LPIN1: variants seen among roughly 807,000 people sequenced by gnomAD.
The protein encoded by LPIN1 is phosphatidate phosphatase LPIN1.
A neutral mutation model predicts 107.5 loss-of-function variants in LPIN1; 71 were observed. The observed-to-expected ratio is 0.66, with a 90% CI of 0.55 to 0.80. The LOEUF (loss-of-function observed/expected upper bound fraction) is 0.80, where lower values mean the gene tolerates loss of function less well. Among genes scored for constraint, LPIN1 ranks in the 30% least tolerant of loss-of-function variants. LPIN1 has a pLI of 0.00. For synonymous variants in LPIN1, 445 were observed against 452.6 expected (o/e 0.98, Z 0.21); for missense variants, 1,043 against 1,160.6 (o/e 0.90, Z 1.47).
intron 1 of LPIN1, among the ~76,000 whole-genome samples, chr2:11,761,113 T>A (rs1669753105): frequency 6.6e-6 from 1 of 152,204 alleles, no homozygotes; most frequent in African/African-American, 2.4e-5. Flanking sequence ...CAGCATGAGA[T>A]AACGTATATG....
At chr2:11,721,181 A>G (rs1664107621), upstream of LPIN1, among the ~76,000 whole-genome samples, 1 of 151,936 alleles carries the variant, frequency 6.6e-6, no homozygotes. Flanking sequence ...CCTTCTTATG[A>G]AATGATATCA....
Position 11,803,104 on chromosome 2 carries a change from G to T in LPIN1, c.2013+71G>T. ...TTTCTGCAGACTCCTAAGGCTGTGT[G>T]ATGGTTGGGATGTGCCCGTTACTTG... On this transcript the variant is annotated intron_variant, in intron 15 of 20. Transcript: ENST00000674199. This position sits in a 1 kb window ranked among gnomAD's most constrained non-coding sequence, Gnocchi z 4.2. 2 of 1,595,422 alleles carry T rather than the reference G, an allele frequency of 1.3e-6. No homozygotes were observed. Among genetic ancestry groups the T allele is most frequent in the Admixed American group, 1.7e-5 (1 of 60,008 alleles).
At chr2:11,696,633 G>C (rs1302814243) in intron 1 of LPIN1, among the ~76,000 whole-genome samples, 1 of 152,174 alleles carries the variant, frequency 6.6e-6, no homozygotes, top group African/African-American at 2.4e-5. Context: ...AGGATGTCTG[G>C]TGAGCAGACA....
intron 1 of LPIN1, 65 bp downstream of exon 1, chr2:11,746,736 G>A: frequency 1.2e-6 from 1 of 857,994 alleles, no homozygotes; most frequent in Non-Finnish European, 1.4e-6. Context: ...GTTAGGCGGG[G>A]CGGGGCGCGG....
In LPIN1 at chr2:11,803,077, G is replaced by A; in HGVS notation, c.2013+44G>A. ...GCGCGGCTGTGTTGTGAGCACATGA[G>A]GTTTCTGCAGACTCCTAAGGCTGTG... On this transcript the variant is annotated intron_variant, in intron 15 of 20. Transcript: ENST00000674199. This position sits in a 1 kb window ranked among gnomAD's most constrained non-coding sequence, Gnocchi z 4.2. 1.2e-6 allele frequency: 2 copies of A among 1,610,382 alleles called. No homozygotes were observed. The highest frequency in any genetic ancestry group is 1.7e-6 in the Non-Finnish European group (2 of 1,179,808).
chr2:11,781,029 T>G (rs1237085488), intron 7 of LPIN1, among the ~76,000 whole-genome samples: 1 of 152,260 alleles, frequency 6.6e-6, no homozygotes, highest in Non-Finnish European at 1.5e-5. Flanking sequence ...TGAATTATGT[T>G]ATTATATCAC....
intron 1 of LPIN1, among the ~76,000 whole-genome samples, chr2:11,703,744 T>C (rs755121813): frequency 3.3e-5 from 5 of 152,192 alleles, no homozygotes; most frequent in Non-Finnish European, 7.3e-5. Context: ...CCTGCCTCCC[T>C]TCCTCCTCCC....
At chr2:11,792,151 C>T (rs1245534198) in intron 13 of LPIN1, 145 bp downstream of exon 13, 19 of 726,202 alleles carry the variant, frequency 2.6e-5, no homozygotes, top group Non-Finnish European at 3.5e-5. Context: ...TGAAGTAGGG[C>T]GAGTGCTCGT....
rs927359502 is a variant in LPIN1, at chr2:11,765,112, A to G, written c.-9-421A>G. Among the ~76,000 whole-genome samples the G allele has an allele frequency of 1.4e-5, 2 of 147,858 alleles. No homozygotes were observed. The highest frequency in any genetic ancestry group is 5.0e-5 in the African/African-American group (2 of 39,618). On this transcript the variant is annotated intron_variant, in intron 1 of 20. Coordinates refer to ENST00000674199, the MANE Select transcript of LPIN1 (RefSeq NM_001349206.2). The surrounding 1 kb of genome is among the most constrained non-coding windows in gnomAD (Gnocchi z 4.4). ...GGGCTCTGATGGTCCATGATGGGCC[A>G]TGGTGGACACTGATGGGCCGTAATG...
chr2:11,706,678 A>T (rs1663143200), intron 1 of LPIN1, among the ~76,000 whole-genome samples: 1 of 152,208 alleles, frequency 6.6e-6, no homozygotes, highest in Non-Finnish European at 1.5e-5. Flanking sequence ...GCTTAGATCC[A>T]ATTCCCTTGA....
Position 11,771,738 on chromosome 2 carries a change from T to C in LPIN1, c.596+59T>C. The C allele has an allele frequency of 6.8e-7, 1 of 1,472,886 alleles. No individual in the cohort carries two copies. The highest frequency in any genetic ancestry group is 9.2e-7 in the Non-Finnish European group (1 of 1,081,216). 91.2% of individuals were successfully genotyped at this position (1,472,886 alleles called of 1,614,324 possible). A position where few individuals can be genotyped will look rare whatever the true frequency, so the allele number is the denominator to read the frequency against. On this transcript the variant is annotated intron_variant, in intron 4 of 20. Transcript: ENST00000674199. This position sits in a 1 kb window ranked among gnomAD's most constrained non-coding sequence, Gnocchi z 4.8. ...GAATCAGACAGTTAACTGTTCAAGA[T>C]TATTTTTATGAACTTTTCCCCCATA...
chr2:11,797,736 G>A (rs1456794545), intron 14 of LPIN1, among the ~76,000 whole-genome samples: 2 of 152,178 alleles, frequency 1.3e-5, no homozygotes, highest in Non-Finnish European at 2.9e-5. Context: ...TGGCTCATAG[G>A]CAGAGGGGAC....
At chr2:11,809,347 G>A (rs952256974) in intron 17 of LPIN1, among the ~76,000 whole-genome samples, 1 of 152,156 alleles carries the variant, frequency 6.6e-6, no homozygotes, top group Non-Finnish European at 1.5e-5. Flanking sequence ...CGTTAGCTCC[G>A]CTGGGGTCTA....
chr2:11,700,222 C>T (rs1662800390), intron 1 of LPIN1, among the ~76,000 whole-genome samples: 1 of 152,202 alleles, frequency 6.6e-6, no homozygotes, highest in African/African-American at 2.4e-5. Flanking sequence ...CAAGAACCCA[C>T]TCTTTCCCAG....
rs1682488904 is a variant in LPIN1, at chr2:11,827,391, T to C, written c.*2600T>C. ...AAAATATTGCAATAAATGAGACCGA[T>C]GAAAGACTTCTCTGAAAATCAGGTG... On this transcript the variant is annotated 3_prime_UTR_variant, in exon 21 of 21. Transcript: ENST00000674199. The surrounding 1 kb of genome is among the most constrained non-coding windows in gnomAD (Gnocchi z 4.1). 6.6e-6 allele frequency: 1 copy of C among 152,258 alleles called. No homozygotes were observed. Among genetic ancestry groups the C allele is most frequent in the Non-Finnish European group, 1.5e-5 (1 of 68,038 alleles). 9.4% of individuals were successfully genotyped at this position (152,258 alleles called of 1,614,324 possible). A position where few individuals can be genotyped will look rare whatever the true frequency, so the allele number is the denominator to read the frequency against.
intron 18 of LPIN1, chr2:11,816,468 A>G (rs1359895266): frequency 6.6e-6 from 1 of 152,256 alleles, no homozygotes; most frequent in East Asian, 1.9e-4. Context: ...ACATCCTAAC[A>G]CTAACTATGC....
At chr2:11,717,409 A>C (rs1198694696) in intron 2 of LPIN1, among the ~76,000 whole-genome samples, 1 of 151,816 alleles carries the variant, frequency 6.6e-6, no homozygotes, top group Non-Finnish European at 1.5e-5. Flanking sequence ...CTTGGCGGGG[A>C]GAGATATGGG....
At chr2:11,796,220 G>A (rs1438499287) in intron 14 of LPIN1, among the ~76,000 whole-genome samples, 1 of 152,196 alleles carries the variant, frequency 6.6e-6, no homozygotes, top group African/African-American at 2.4e-5. Flanking sequence ...ATTGGGGCCA[G>A]ATCCACATCT....
chr2:11,780,048 T>C (rs1673323748), intron 7 of LPIN1, among the ~76,000 whole-genome samples: 1 of 152,066 alleles, frequency 6.6e-6, no homozygotes, highest in African/African-American at 2.4e-5. Flanking sequence ...GCCCCACTAA[T>C]TTTTGTATTT....
Sources: gnomAD v4.1 joint callset for allele counts (sites outside exome capture counted in the v4.1 genomes callset) on GRCh38, gnomAD v4.1.1 for gene constraint, Gnocchi (gnomAD v3.1) non-coding constraint, MANE v1.5 for transcripts, NCBI Gene and HGNC (gene_info 2026-07-23, HGNC 2026-07-21) for gene names.